Variants in ST3GAL2 observed in about 807,000 individuals in gnomAD.
ST3GAL2 encodes the protein CMP-N-acetylneuraminate-beta-galactosamide-alpha-2,3-sialyltransferase 2.
Under a neutral mutation model 37.5 loss-of-function variants are expected in ST3GAL2, and 16 were observed. The ratio of observed to expected loss-of-function variants is 0.43; its 90% CI spans 0.29 to 0.65. The LOEUF is 0.65. Among genes scored for constraint, ST3GAL2 ranks in the 30% least tolerant of loss-of-function variants. The pLI is 0.17. For synonymous variants in ST3GAL2, 238 were observed against 202.9 expected, an observed-to-expected ratio of 1.17 and a Z score of -1.47; for missense variants, 383 against 487.8, an observed-to-expected ratio of 0.79 and a Z score of 2.02.
chr16:70,381,129 C>T lies in ST3GAL2; in HGVS notation c.*560G>A, dbSNP rs1003165669. On this transcript the variant is annotated 3_prime_UTR_variant, in exon 7 of 7. Transcript: ENST00000342907. ...GGAAGCCCTGGGGGCGCAGCCATCC[C>T]ACAGCGCGGCCGAGGTGGGACTGGG... 1 of 152,510 alleles carries T rather than the reference C, an allele frequency of 6.6e-6. No individual in the cohort carries two copies. The highest frequency in any genetic ancestry group is 1.5e-5 in the Non-Finnish European group (1 of 68,190). The allele number at this position is 152,510 out of a possible 1,614,324, so 9.4% of individuals were successfully genotyped here. A position where few individuals can be genotyped will look rare whatever the true frequency, so the allele number is the denominator to read the frequency against.
chr16:70,388,405 C>T lies in ST3GAL2; in HGVS notation c.675G>A (p.Leu225=). ...CCGTGGACAAGGCGCTGGCGATCCA[C>T]AGAAGGTCCAGGACCTTGAAGGGCA... ...VLVPFKVLDL[L]WIASALSTGQ... Residue 225 remains leucine (L), a synonymous_variant, in exon 4 of 7, where the codon CTG becomes CTA. Coordinates refer to ENST00000342907, the MANE Select transcript of ST3GAL2 (RefSeq NM_006927.4). 1 of 1,614,216 alleles carries T rather than the reference C, an allele frequency of 6.2e-7. No individual in the cohort carries two copies. Among genetic ancestry groups the T allele is most frequent in the Non-Finnish European group, 8.5e-7 (1 of 1,180,028 alleles).
chr16:70,414,839 A>C (rs2047664093), intron 1 of ST3GAL2, among the ~76,000 whole-genome samples: 1 of 151,014 alleles, frequency 6.6e-6, no homozygotes, highest in East Asian at 1.9e-4. Context: ...CGCCCAGATA[A>C]TTTTTCTATT....
intron 1 of ST3GAL2, among the ~76,000 whole-genome samples, chr16:70,425,799 TAAATCG>T (rs1396217294): frequency 6.6e-6 from 1 of 152,094 alleles, no homozygotes; most frequent in African/African-American, 2.4e-5. Context: ...CTACCCTTGA[TAAATCG>T]ACCCAGCTCA....
intron 2 of ST3GAL2, 95 bp from the exon 3 acceptor site, chr16:70,395,270 G>A: frequency 8.4e-7 from 1 of 1,190,964 alleles, no homozygotes. Context: ...TCACTATCCT[G>A]TGTCTGGGCA....
intron 1 of ST3GAL2, among the ~76,000 whole-genome samples, chr16:70,413,531 C>T (rs1482178626): frequency 8.5e-6 from 1 of 117,580 alleles, no homozygotes; most frequent in East Asian, 2.5e-4. Context: ...GCCTGACCAA[C>T]ATGGAGAAAC....
At chr16:70,395,419 TCA>T (rs1369559685) in intron 2 of ST3GAL2, among the ~76,000 whole-genome samples, 1 of 152,328 alleles carries the variant, frequency 6.6e-6, no homozygotes, top group East Asian at 1.9e-4. Flanking sequence ...GCCCTGCTAG[TCA>T]CAGTTAGCTC....
At chr16:70,409,340 C>T (rs1167033216) in intron 1 of ST3GAL2, among the ~76,000 whole-genome samples, 1 of 151,906 alleles carries the variant, frequency 6.6e-6, no homozygotes, top group Non-Finnish European at 1.5e-5. Context: ...AGCTTCCCGC[C>T]TCTGGCGGCT....
At chr16:70,383,044 G>A (rs969993173) in intron 5 of ST3GAL2, 120 bp from the exon 6 acceptor site, 4 of 1,580,676 alleles carry the variant, frequency 2.5e-6, no homozygotes, top group African/African-American at 1.4e-5. Context: ...CTCCTGAATC[G>A]TGTGGCACCT....
At chr16:70,423,225 T>C (rs913779253) in intron 1 of ST3GAL2, among the ~76,000 whole-genome samples, 11 of 152,152 alleles carry the variant, frequency 7.2e-5, no homozygotes, top group African/African-American at 1.9e-4. Context: ...ATCAACACTT[T>C]AGGCTGGGCG....
chr16:70,401,817 A>G (rs1456615941), intron 1 of ST3GAL2, among the ~76,000 whole-genome samples: 5 of 151,890 alleles, frequency 3.3e-5, no homozygotes, highest in African/African-American at 7.3e-5. Flanking sequence ...ACATGGTGAA[A>G]CCCCATCTCT....
intron 1 of ST3GAL2, among the ~76,000 whole-genome samples, chr16:70,421,347 C>T (rs2047713078): frequency 1.3e-5 from 2 of 152,184 alleles, no homozygotes; most frequent in South Asian, 2.1e-4. Context: ...GCCTTATCCC[C>T]GGGGTGAGAA....
In ST3GAL2 at chr16:70,398,602, A is replaced by G; in HGVS notation, c.-72T>C. 1 of 1,424,246 alleles carries G rather than the reference A, an allele frequency of 7.0e-7. No individual in the cohort carries two copies. Among genetic ancestry groups the G allele is most frequent in the Non-Finnish European group, 9.4e-7 (1 of 1,061,034 alleles). 88.2% of individuals were successfully genotyped at this position (1,424,246 alleles called of 1,614,324 possible). A position where few individuals can be genotyped will look rare whatever the true frequency, so the allele number is the denominator to read the frequency against. ...CCCGCTGAGGGGCCAGCCACGGCGT[A>G]GCCTGCCTATTCTGGCACCACATGC... is the stretch of plus-strand genomic sequence containing the variant. On this transcript the variant is annotated 5_prime_UTR_variant, in exon 2 of 7. Coordinates refer to ENST00000342907, the MANE Select transcript of ST3GAL2 (RefSeq NM_006927.4).
At chr16:70,398,111 G>A in intron 2 of ST3GAL2, 81 bp downstream of exon 2, 1 of 1,458,268 alleles carries the variant, frequency 6.9e-7, no homozygotes, top group South Asian at 1.3e-5. Flanking sequence ...TCAAGGCTCT[G>A]GGGGCCAGAA....
chr16:70,420,033 T>TC (rs1388449505), intron 1 of ST3GAL2, among the ~76,000 whole-genome samples: 1 of 150,468 alleles, frequency 6.6e-6, no homozygotes, highest in Non-Finnish European at 1.5e-5. Context: ...CCTTTTTTTT[T>TC]TTTTTTTTTT....
chr16:70,399,330 C>T lies in ST3GAL2; in HGVS notation c.-800G>A, dbSNP rs933314173. ...GGCGCTGGGAACAGCTGCTGTTCAG[C>T]GGGGCACTGTGTCCAATACCATCTG... On this transcript the variant is annotated 5_prime_UTR_variant, in exon 2 of 7. Transcript: ENST00000342907. 16 of 398,676 alleles carry T rather than the reference C, an allele frequency of 4.0e-5. No homozygotes were observed. Among genetic ancestry groups the T allele is most frequent in the Non-Finnish European group, 6.6e-5 (15 of 226,258 alleles). The allele number at this position is 398,676 out of a possible 1,614,324, so 24.7% of individuals were successfully genotyped here. A position where few individuals can be genotyped will look rare whatever the true frequency, so the allele number is the denominator to read the frequency against.
At chr16:70,399,705 G>T in intron 1 of ST3GAL2, 172 bp from the exon 2 acceptor site, 1 of 352,268 alleles carries the variant, frequency 2.8e-6, no homozygotes, top group East Asian at 4.2e-5. Flanking sequence ...ATCACTGTGT[G>T]GGACTCCAGG....
chr16:70,418,733 T>C (rs541293955), intron 1 of ST3GAL2, among the ~76,000 whole-genome samples: 5 of 152,242 alleles, frequency 3.3e-5, no homozygotes, highest in Admixed American at 2.0e-4. Flanking sequence ...GAGGACCAGG[T>C]TGGGGGTGAG....
At position 70,381,887 on chromosome 16, in the gene ST3GAL2, C is replaced by T. The variant is rs369390740; in HGVS notation, c.880-25G>A. ...CCTGCGGGGAAGCGCAGCGGAGCGT[C>T]ACCCCAGGCGGGGACCTGGAGGATG... On this transcript the variant is annotated intron_variant, in intron 6 of 6. Coordinates refer to ENST00000342907, the MANE Select transcript of ST3GAL2 (RefSeq NM_006927.4). The T allele has an allele frequency of 7.4e-6, 12 of 1,611,326 alleles. No homozygotes were observed. The African/African-American group carries it at 1.5e-4, about 20-fold the overall frequency.
intron 3 of ST3GAL2, among the ~76,000 whole-genome samples, chr16:70,390,954 A>G (rs1338886716): frequency 6.6e-6 from 1 of 152,162 alleles, no homozygotes; most frequent in Non-Finnish European, 1.5e-5. Flanking sequence ...GGGTGACCGT[A>G]ACCTGGCCCT....
Sources: gnomAD v4.1 joint callset for allele counts (sites outside exome capture counted in the v4.1 genomes callset) on GRCh38, gnomAD v4.1.1 for gene constraint, MANE v1.5 for transcripts, NCBI Gene and HGNC (gene_info 2026-07-23, HGNC 2026-07-21) for gene names.